DNAH7: variants seen among roughly 807,000 people sequenced by gnomAD.
The protein encoded by DNAH7 is axonemal beta dynein heavy chain 7.
Under a neutral mutation model 444.6 loss-of-function variants are expected in DNAH7, and 397 were observed. The observed-to-expected ratio is 0.89, with a 90% CI of 0.82 to 0.97. The LOEUF is 0.97. Among genes scored for constraint, DNAH7 ranks in the 50% least tolerant of loss-of-function variants. The pLI, the probability that DNAH7 is intolerant of heterozygous loss-of-function variation, is 0.00. For synonymous variants in DNAH7, 1,636 were observed against 1,624.4 expected (o/e 1.01, Z -0.17); for missense variants, 4,902 against 4,800.8 (o/e 1.02, Z -0.62).
intron 5 of DNAH7, among the ~76,000 whole-genome samples, chr2:196,032,959 G>A (rs1228327678): frequency 6.6e-6 from 1 of 152,002 alleles, no homozygotes; most frequent in Non-Finnish European, 1.5e-5. Context: ...TATATAAAAA[G>A]CAACTAATGT....
chr2:195,925,404 C>G (rs546429659), intron 22 of DNAH7, among the ~76,000 whole-genome samples: 1 of 152,214 alleles, frequency 6.6e-6, no homozygotes, highest in African/African-American at 2.4e-5. Flanking sequence ...TCTCTGGACT[C>G]ACTGAGGAAA....
intron 10 of DNAH7, among the ~76,000 whole-genome samples, chr2:196,002,530 T>C (rs1259995998): frequency 1.3e-5 from 2 of 152,238 alleles, no homozygotes; most frequent in East Asian, 3.8e-4. Context: ...CTACAGAATT[T>C]TAAAATACTG....
chr2:195,969,706 G>C (rs929254039), intron 17 of DNAH7, among the ~76,000 whole-genome samples: 1 of 152,114 alleles, frequency 6.6e-6, no homozygotes, highest in Non-Finnish European at 1.5e-5. Flanking sequence ...AGTTTAAAAA[G>C]AAGACTGAGA....
At chr2:195,817,164 C>A (rs1013647146) in intron 50 of DNAH7, among the ~76,000 whole-genome samples, 12 of 152,194 alleles carry the variant, frequency 7.9e-5, no homozygotes, top group African/African-American at 2.7e-4. Context: ...CTCCAGTTCC[C>A]TTTTTAATGA....
intron 15 of DNAH7, among the ~76,000 whole-genome samples, chr2:195,978,651 A>G (rs1224732652): frequency 6.6e-6 from 1 of 152,216 alleles, no homozygotes; most frequent in Non-Finnish European, 1.5e-5. Flanking sequence ...TAACAAAACA[A>G]GACCCAGTGA....
chr2:195,814,571 T>G (rs1321074478), intron 51 of DNAH7, among the ~76,000 whole-genome samples: 1 of 152,124 alleles, frequency 6.6e-6, no homozygotes, highest in African/African-American at 2.4e-5. Context: ...CCAAAGAAAT[T>G]TTCTTCTCTA....
intron 61 of DNAH7, among the ~76,000 whole-genome samples, chr2:195,762,435 CTGAA>C (rs1413607154): frequency 6.6e-6 from 1 of 151,978 alleles, no homozygotes; most frequent in African/African-American, 2.4e-5. Context: ...CATACAGTGG[CTGAA>C]TGAATTTTTT....
chr2:195,778,689 T>TAC (rs1695218131), intron 58 of DNAH7, among the ~76,000 whole-genome samples: 1 of 97,372 alleles, frequency 1.0e-5, no homozygotes, highest in East Asian at 3.3e-4. Context: ...CACATATATA[T>TAC]ACACATATAT....
chr2:195,958,896 T>G (rs912366401), intron 18 of DNAH7, among the ~76,000 whole-genome samples: 2 of 152,066 alleles, frequency 1.3e-5, no homozygotes, highest in South Asian at 4.1e-4. Context: ...GAGCCAAGAT[T>G]TGAACCCAGA....
chr2:195,869,336 A>G (rs1443128011), intron 40 of DNAH7, among the ~76,000 whole-genome samples: 1 of 150,996 alleles, frequency 6.6e-6, no homozygotes, highest in African/African-American at 2.4e-5. Context: ...CAATTACCTC[A>G]TATTTTTAAA....
intron 36 of DNAH7, among the ~76,000 whole-genome samples, chr2:195,879,892 A>T (rs1574649046): frequency 6.6e-6 from 1 of 151,950 alleles, no homozygotes; most frequent in African/African-American, 2.4e-5. Flanking sequence ...GAAATTATAG[A>T]CTCCTTCCTA....
rs764282864 is a variant in DNAH7 at position 195,864,935 on chromosome 2, G to A, written c.6720C>T (p.Tyr2240=). Residue 2240 remains tyrosine, a synonymous_variant, in exon 41 of 65, where the codon TAC becomes TAT. Coordinates refer to ENST00000312428, the MANE Select transcript of DNAH7 (RefSeq NM_018897.3). The part of the protein sequence containing the change: ...INYIQEILRN[Y]MYEDFHELFQ... Reference sequence around the variant, plus strand: ...AAAGCTCATGAAAATCTTCATACATGTAGTTTCTCAAAATTTCTTGAATGT... The same window carrying A: ...AAAGCTCATGAAAATCTTCATACATATAGTTTCTCAAAATTTCTTGAATGT... The A allele has an allele frequency of 1.9e-6, 3 of 1,611,444 alleles. No individual in the cohort carries two copies. The highest frequency in any genetic ancestry group is 2.2e-5 in the East Asian group (1 of 44,876).
chr2:195,785,605 G>C (rs56054312), intron 58 of DNAH7, among the ~76,000 whole-genome samples: 12,521 of 139,174 alleles, frequency 0.09, 595 homozygotes, highest in African/African-American at 0.12. Context: ...TTTTTTTTTG[G>C]TTGTTGTTTT....
chr2:195,758,036 A>G (rs1057176655), intron 61 of DNAH7, among the ~76,000 whole-genome samples: 2 of 152,230 alleles, frequency 1.3e-5, no homozygotes, highest in Non-Finnish European at 2.9e-5. Flanking sequence ...GGATGCTGAG[A>G]TTCCCTGGAG....
chr2:195,919,404 G>A (rs759219186), intron 24 of DNAH7, among the ~76,000 whole-genome samples: 3 of 151,978 alleles, frequency 2.0e-5, no homozygotes, highest in Non-Finnish European at 4.4e-5. Flanking sequence ...GAGTGCAGTG[G>A]CACAATCTCG....
At chr2:195,988,985 G>C (rs985070653) in intron 12 of DNAH7, among the ~76,000 whole-genome samples, 2 of 151,928 alleles carry the variant, frequency 1.3e-5, no homozygotes, top group African/African-American at 4.8e-5. Context: ...TGCCCTCCAG[G>C]GTTATCCATA....
Position 195,923,649 on chromosome 2 carries a change from A to AT in DNAH7, c.3770dup (p.Asn1257LysfsTer3), listed in dbSNP as rs34468832. 239 of 1,608,174 alleles carry AT rather than the reference A, an allele frequency of 1.5e-4. No homozygotes were observed. The highest frequency in any genetic ancestry group is 2.5e-4 in the African/African-American group (19 of 74,712). The stretch of plus-strand genomic sequence containing the variant: ...ATTCAAAGTCAGAGTCATCGCTAAT[A>AT]TTTTTTTTTACAAGTGATGAGAGGA... On this transcript the variant is annotated frameshift_variant, in exon 23 of 65. Transcript: ENST00000312428. LOFTEE classifies it high-confidence loss of function.
At chr2:196,065,552 CTTCAG>C (rs1221068609) in intron 1 of DNAH7, among the ~76,000 whole-genome samples, 6 of 152,178 alleles carry the variant, frequency 3.9e-5, no homozygotes, top group African/African-American at 1.4e-4. Context: ...TCATCTGTGC[CTTCAG>C]TTCTCTGACT....
At chr2:195,773,973 C>G (rs1275578772) in intron 60 of DNAH7, among the ~76,000 whole-genome samples, 4 of 152,194 alleles carry the variant, frequency 2.6e-5, no homozygotes, top group Admixed American at 2.6e-4. Flanking sequence ...GTCTCTTTAC[C>G]TCTGAATTGT....
Sources: gnomAD v4.1 joint callset for allele counts (sites outside exome capture counted in the v4.1 genomes callset) on GRCh38, gnomAD v4.1.1 for gene constraint, MANE v1.5 for transcripts, NCBI Gene and HGNC (gene_info 2026-07-23, HGNC 2026-07-21) for gene names.